The following SLC9A4 variants were observed in gnomAD, a reference collection of about 807,000 sequenced individuals.
The protein encoded by SLC9A4 is solute carrier family 9 member A4, also known as sodium/hydrogen exchanger 4.
SLC9A4 carries 63 observed loss-of-function variants against 67.4 expected under a neutral mutation model. The observed-to-expected ratio is 0.93, with a 90% confidence interval of 0.76 to 1.15. The LOEUF is 1.15. Among genes scored for constraint, SLC9A4 ranks in the 50% most tolerant of loss-of-function variants. The probability of loss-of-function intolerance (pLI) is 0.00; values close to 1 mark genes in which losing one functional copy is unlikely to be tolerated. For synonymous variants in SLC9A4, 393 were observed against 367.2 expected (o/e 1.07, Z -0.80); for missense variants, 1,089 against 987.7 (o/e 1.10, Z -1.38).
At chr2:102,488,348 A>T (rs1684629773) in intron 2 of SLC9A4, among the ~76,000 whole-genome samples, 2 of 152,046 alleles carry the variant, frequency 1.3e-5, no homozygotes, top group African/African-American at 4.8e-5. Flanking sequence ...GCATAAATGG[A>T]TGACATCCAG....
At chr2:102,477,287 A>G (rs1365384295) in intron 1 of SLC9A4, among the ~76,000 whole-genome samples, 1 of 152,012 alleles carries the variant, frequency 6.6e-6, no homozygotes, top group East Asian at 1.9e-4. Context: ...TTCCTCTCTT[A>G]TTTCACTCTT....
At chr2:102,480,758 T>G (rs888126921) in intron 2 of SLC9A4, among the ~76,000 whole-genome samples, 4 of 152,214 alleles carry the variant, frequency 2.6e-5, no homozygotes, top group Non-Finnish European at 5.9e-5. Context: ...AAATGAGAGA[T>G]TCTCACTCTA....
In SLC9A4 at chr2:102,503,604, C is replaced by A. The variant is rs749860581; in HGVS notation, c.877C>A (p.Arg293Ser). 1.2e-6 allele frequency: 2 copies of A among 1,614,056 alleles called. No individual in the cohort carries two copies. The highest frequency in any genetic ancestry group is 1.7e-6 in the Non-Finnish European group (2 of 1,180,050). The change falls in exon 3 of 12, where the codon CGT becomes AGT. Residue 293 changes from arginine to serine, a missense_variant. Physicochemically the swap from Arg to Ser is moderately radical, Grantham distance 110. Coordinates refer to ENST00000295269, the MANE Select transcript of SLC9A4 (RefSeq NM_001011552.4). ...TGGATTTATTTCTGCATTTATCACA[C>A]GTTTCACTCAGAATATCTCTGCAAT... is the stretch of plus-strand genomic sequence containing the variant. The part of the protein sequence containing the change: ...VFGFISAFIT[R>S]FTQNISAIEP...
chr2:102,499,946 C>T (rs962412692), intron 2 of SLC9A4, among the ~76,000 whole-genome samples: 16 of 152,144 alleles, frequency 1.1e-4, no homozygotes, highest in Non-Finnish European at 2.4e-4. Context: ...ACGAAAACTT[C>T]TAGTCTGTAA....
At chr2:102,503,176 A>G (rs927442895) in intron 2 of SLC9A4, among the ~76,000 whole-genome samples, 3 of 152,252 alleles carry the variant, frequency 2.0e-5, no homozygotes, top group African/African-American at 7.2e-5. Context: ...TCTAGAGGCA[A>G]TAAATTAACT....
chr2:102,527,830 A>G (rs1674697737), intron 11 of SLC9A4, among the ~76,000 whole-genome samples: 1 of 152,174 alleles, frequency 6.6e-6, no homozygotes, highest in South Asian at 2.1e-4. Context: ...TTTTTAGTGA[A>G]GTTGAACATC....
chr2:102,495,742 G>C (rs1003630403), intron 2 of SLC9A4, among the ~76,000 whole-genome samples: 2 of 152,114 alleles, frequency 1.3e-5, no homozygotes, highest in Non-Finnish European at 2.9e-5. Context: ...TTTGGCAAAA[G>C]AACTAAGGCA....
At chr2:102,522,654 T>A (rs1479963957) in intron 9 of SLC9A4, among the ~76,000 whole-genome samples, 2 of 152,212 alleles carry the variant, frequency 1.3e-5, no homozygotes, top group Non-Finnish European at 2.9e-5. Context: ...TTTTGCATGA[T>A]TTTAAAACTG....
At chr2:102,516,354 C>T (rs186432699) in intron 8 of SLC9A4, among the ~76,000 whole-genome samples, 1 of 152,002 alleles carries the variant, frequency 6.6e-6, no homozygotes, top group East Asian at 1.9e-4. Context: ...ATTTAAATTG[C>T]CTTTATTTGA....
rs577154298 is a variant in SLC9A4, at chr2:102,508,409, G to A, written c.1401+128G>A. ...TGCTCAATACCCAAACTAAATTTCCGGAGATTTCTAGATCATGTTTGTGAC... is the reference window on the plus strand; with the variant it reads ...TGCTCAATACCCAAACTAAATTTCCAGAGATTTCTAGATCATGTTTGTGAC... On this transcript the variant is annotated intron_variant, in intron 5 of 11. Coordinates refer to ENST00000295269, the MANE Select transcript of SLC9A4 (RefSeq NM_001011552.4). The A allele has an allele frequency of 8.0e-5, 70 of 877,188 alleles. 1 individual carries two copies. The African/African-American group carries it at 9.2e-4, about 12-fold the overall frequency. 54.3% of individuals were successfully genotyped at this position (877,188 alleles called of 1,614,324 possible).
intron 5 of SLC9A4, among the ~76,000 whole-genome samples, chr2:102,508,628 G>A (rs1300231661): frequency 6.6e-6 from 1 of 152,162 alleles, no homozygotes; most frequent in Non-Finnish European, 1.5e-5. Context: ...TTTAATGGGT[G>A]AAACCAAATT....
chr2:102,488,971 A>T (rs1180629670), intron 2 of SLC9A4, among the ~76,000 whole-genome samples: 1 of 152,168 alleles, frequency 6.6e-6, no homozygotes, highest in Admixed American at 6.5e-5. Flanking sequence ...CTGAGCTACT[A>T]CTTAGGGTCA....
intron 7 of SLC9A4, among the ~76,000 whole-genome samples, chr2:102,512,475 T>C (rs527731806): frequency 6.6e-6 from 1 of 152,276 alleles, no homozygotes; most frequent in Non-Finnish European, 1.5e-5. Flanking sequence ...GCAGTTGACT[T>C]GGTGTAGGTT....
intron 8 of SLC9A4, among the ~76,000 whole-genome samples, chr2:102,514,476 T>C (rs1685234295): frequency 6.6e-6 from 1 of 152,242 alleles, no homozygotes; most frequent in South Asian, 2.1e-4. Context: ...GTTGCTTCCT[T>C]AGAGTTGTAT....
At position 102,533,010 on chromosome 2, in the gene SLC9A4, C is replaced by T. The variant is rs1173432342; in HGVS notation, c.*322C>T. On this transcript the variant is annotated 3_prime_UTR_variant, in exon 12 of 12. Coordinates refer to ENST00000295269, the MANE Select transcript of SLC9A4 (RefSeq NM_001011552.4). ...TCCAAGCCATATATTGAAATACAAG[C>T]GTGATTAATCAGTAATTCACATTGC... 1.8e-5 allele frequency: 4 copies of T among 224,216 alleles called. No homozygotes were observed. Among genetic ancestry groups the T allele is most frequent in the African/African-American group, 2.2e-5 (1 of 44,888 alleles). The allele number at this position is 224,216 out of a possible 1,614,324, so 13.9% of individuals were successfully genotyped here.
At position 102,519,999 on chromosome 2, in the gene SLC9A4, A is replaced by G. The variant is rs758097937; in HGVS notation, c.1818+44A>G. 3 of 1,554,972 alleles carry G rather than the reference A, an allele frequency of 1.9e-6. No individual in the cohort carries two copies. In the South Asian group the frequency reaches 3.4e-5, roughly 17 times the overall value. On this transcript the variant is annotated intron_variant, in intron 9 of 11. Transcript: ENST00000295269. ...TGTTGTCCCCATTTTCTGTCCTTGAAAACAGTCTCTGAAGGGGGAGTCTGT... is the reference window on the plus strand; with the variant it reads ...TGTTGTCCCCATTTTCTGTCCTTGAGAACAGTCTCTGAAGGGGGAGTCTGT...
intron 8 of SLC9A4, among the ~76,000 whole-genome samples, chr2:102,518,510 T>A (rs1449968340): frequency 1.3e-5 from 2 of 152,130 alleles, no homozygotes; most frequent in Non-Finnish European, 2.9e-5. Flanking sequence ...TAACTGTATA[T>A]CAATAGAGGT....
intron 8 of SLC9A4, 133 bp downstream of exon 8, chr2:102,514,384 G>C: frequency 5.2e-6 from 3 of 577,252 alleles, no homozygotes; most frequent in Non-Finnish European, 8.3e-6. Context: ...TTTAAAATAT[G>C]TAATCTAAGT....
At chr2:102,474,662 C>G (rs901045386) in intron 1 of SLC9A4, among the ~76,000 whole-genome samples, 1 of 152,136 alleles carries the variant, frequency 6.6e-6, no homozygotes, top group African/African-American at 2.4e-5. Flanking sequence ...AGATTAAATT[C>G]CAATCAAGGG....
Sources: allele counts gnomAD v4.1 joint callset (sites outside exome capture counted in the v4.1 genomes callset), GRCh38; gene constraint gnomAD v4.1.1; transcripts MANE v1.5; gene names NCBI Gene and HGNC (gene_info 2026-07-23, HGNC 2026-07-21).